Variants in MAST4 observed in about 807,000 individuals in gnomAD.
MAST4 encodes microtubule-associated serine/threonine-protein kinase 4.
In MAST4, 89 loss-of-function variants were observed where a neutral mutation model predicts 162.7. The observed-to-expected ratio is 0.55, with a 90% confidence interval of 0.46 to 0.65. The LOEUF (loss-of-function observed/expected upper bound fraction) is 0.65. MAST4 is among the 30% of genes least tolerant of loss of function. The pLI is 0.00. For synonymous variants in MAST4, 1,479 were observed against 1,361.1 expected (o/e 1.09, Z -1.91); for missense variants, 3,153 against 3,374.0 (o/e 0.93, Z 1.62).
chr5:66,654,323 G>A (rs769726808), intron 1 of MAST4, among the ~76,000 whole-genome samples: 9 of 152,184 alleles, frequency 5.9e-5, no homozygotes, highest in Non-Finnish European at 1.0e-4. Context: ...CACCCCAGTC[G>A]TTTTTATGAG....
chr5:66,670,949 C>T (rs1747572286), intron 1 of MAST4, among the ~76,000 whole-genome samples: 3 of 152,158 alleles, frequency 2.0e-5, no homozygotes, highest in Non-Finnish European at 4.4e-5. Flanking sequence ...CATTTTGTCA[C>T]TTTACCCTTC....
At chr5:67,116,065 A>C (rs1427648103) in intron 12 of MAST4, among the ~76,000 whole-genome samples, 1 of 152,210 alleles carries the variant, frequency 6.6e-6, no homozygotes, top group African/African-American at 2.4e-5. Context: ...GCCCATGTAT[A>C]AACTAGCTTT....
At chr5:66,697,772 G>A (rs79077281) in intron 1 of MAST4, among the ~76,000 whole-genome samples, 1,568 of 152,130 alleles carry the variant, frequency 0.01, 24 homozygotes, top group African/African-American at 0.036. Context: ...GAATCAGGGC[G>A]AACTAATGTT....
In MAST4 at chr5:66,596,895, G is replaced by C; in HGVS notation, c.240G>C (p.Ala80=). The part of the protein sequence containing the change: ...GGTLGARAPA[A]WAPASVLLER... ...CCCTGGGCGCCCGGGCGCCCGCCGC[G>C]TGGGCTCCGGCAAGCGTGCTGCTGG... Residue 80 remains alanine (A), a synonymous_variant, in exon 1 of 29, where the codon GCG becomes GCC. Transcript: ENST00000403625. The C allele has an allele frequency of 7.8e-7, 1 of 1,283,282 alleles. No individual in the cohort carries two copies. Among genetic ancestry groups the C allele is most frequent in the Non-Finnish European group, 9.9e-7 (1 of 1,012,968 alleles). 79.5% of individuals were successfully genotyped at this position (1,283,282 alleles called of 1,614,324 possible).
At chr5:66,653,982 A>T (rs764895106) in intron 1 of MAST4, among the ~76,000 whole-genome samples, 3 of 152,224 alleles carry the variant, frequency 2.0e-5, no homozygotes, top group Non-Finnish European at 2.9e-5. Flanking sequence ...ACAATTATAT[A>T]TTGAATACTT....
intron 1 of MAST4, among the ~76,000 whole-genome samples, chr5:66,624,139 T>C (rs1056442351): frequency 7.3e-6 from 1 of 136,852 alleles, no homozygotes; most frequent in African/African-American, 2.7e-5. Context: ...ATTAATATTG[T>C]TAAAATGTTT....
chr5:66,904,523 T>G (rs1763216033), intron 4 of MAST4, among the ~76,000 whole-genome samples: 1 of 152,212 alleles, frequency 6.6e-6, no homozygotes, highest in Non-Finnish European at 1.5e-5. Context: ...TCCACCTTGT[T>G]TAATTATAAG....
chr5:66,693,233 A>G (rs1352479904), intron 1 of MAST4, among the ~76,000 whole-genome samples: 1 of 152,224 alleles, frequency 6.6e-6, no homozygotes, highest in Non-Finnish European at 1.5e-5. Context: ...TCAGTGTTGT[A>G]ATCACATGAA....
At chr5:66,656,490 G>T (rs1746556313) in intron 1 of MAST4, among the ~76,000 whole-genome samples, 1 of 152,154 alleles carries the variant, frequency 6.6e-6, no homozygotes, top group African/African-American at 2.4e-5. Flanking sequence ...AAATAAGCTT[G>T]TATGTCTCAC....
rs185671399 is a variant in MAST4, at chr5:67,139,511, A to G, written c.2495-2604A>G. 2.8e-4 allele frequency among the ~76,000 whole-genome samples: 42 copies of G among 152,290 alleles called. No homozygotes were observed. The East Asian group carries it at 5.8e-3, about 21-fold the overall frequency. On this transcript the variant is annotated intron_variant, in intron 19 of 28. Transcript: ENST00000403625. Reference sequence around the variant, plus strand: ...AGCTGCTCAGATGTCACTGCTACCCATATCTTGAATAGTTTCTTCATTGTC... The same window carrying G: ...AGCTGCTCAGATGTCACTGCTACCCGTATCTTGAATAGTTTCTTCATTGTC...
intron 1 of MAST4, 68 bp downstream of exon 1, chr5:66,597,086 G>A: frequency 3.0e-6 from 4 of 1,331,788 alleles, no homozygotes; most frequent in Non-Finnish European, 3.8e-6. Context: ...CCCATCCTGC[G>A]CACAGGCAGT....
In MAST4 at chr5:67,156,099, A is replaced by T. The variant is rs181522851; in HGVS notation, c.3648+2519A>T. Among the ~76,000 whole-genome samples the T allele has an allele frequency of 2.0e-3, 308 of 151,798 alleles. 4 individuals are homozygous for T. Among genetic ancestry groups the T allele is most frequent in the African/African-American group, 6.8e-3 (283 of 41,382 alleles). On this transcript the variant is annotated intron_variant, in intron 26 of 28. Coordinates refer to ENST00000403625, the MANE Select transcript of MAST4 (RefSeq NM_001164664.2). The stretch of plus-strand genomic sequence containing the variant: ...AAAAAGACACGTAAGGATAATAGTT[A>T]ATGGGGCAAGCGCTCTTGATGCCTG...
At chr5:66,756,302 A>G (rs1283929030) in intron 1 of MAST4, among the ~76,000 whole-genome samples, 1 of 152,200 alleles carries the variant, frequency 6.6e-6, no homozygotes, top group Non-Finnish European at 1.5e-5. Flanking sequence ...TGAGGTAAGG[A>G]CATATTGCTG....
At chr5:66,704,663 G>A (rs1244143327) in intron 1 of MAST4, among the ~76,000 whole-genome samples, 1 of 151,848 alleles carries the variant, frequency 6.6e-6, no homozygotes, top group Non-Finnish European at 1.5e-5. Flanking sequence ...ACCATGCTTG[G>A]CTAATTTTTT....
chr5:66,826,604 A>ACC (rs1018044966), intron 3 of MAST4, among the ~76,000 whole-genome samples: 51 of 135,942 alleles, frequency 3.8e-4, no homozygotes, highest in African/African-American at 1.3e-3. Context: ...TCCTCCCACC[A>ACC]CCCCCCCCAA....
chr5:67,135,893 G>A (rs753219130), intron 18 of MAST4, among the ~76,000 whole-genome samples: 3 of 152,110 alleles, frequency 2.0e-5, no homozygotes, highest in Admixed American at 6.6e-5. Context: ...ACACAAGCAC[G>A]CACACCTATC....
intron 3 of MAST4, among the ~76,000 whole-genome samples, chr5:66,889,148 G>A (rs886399057): frequency 6.6e-6 from 1 of 152,192 alleles, no homozygotes. Flanking sequence ...GGGTTGTGCA[G>A]ATCAATACTT....
chr5:66,695,896 T>A (rs1749367571), intron 1 of MAST4, among the ~76,000 whole-genome samples: 1 of 152,202 alleles, frequency 6.6e-6, no homozygotes, highest in South Asian at 2.1e-4. Context: ...TAAAGATACA[T>A]GCACACGTAT....
At chr5:66,907,815 A>G (rs905447078) in intron 4 of MAST4, among the ~76,000 whole-genome samples, 1 of 152,166 alleles carries the variant, frequency 6.6e-6, no homozygotes, top group Non-Finnish European at 1.5e-5. Context: ...AGCAAAGTAA[A>G]GGCAATGTTT....
Sources: gnomAD v4.1 joint callset for allele counts (sites outside exome capture counted in the v4.1 genomes callset) on GRCh38, gnomAD v4.1.1 for gene constraint, MANE v1.5 for transcripts, NCBI Gene and HGNC (gene_info 2026-07-23, HGNC 2026-07-21) for gene names.